The following TPTE2 variants were observed in gnomAD, a reference collection of about 807,000 sequenced individuals.
The protein encoded by TPTE2 is transmembrane phosphoinositide 3-phosphatase and tensin homolog 2, also known as phosphatidylinositol 3,4,5-trisphosphate 3-phosphatase TPTE2.
TPTE2 carries 53 observed loss-of-function variants against 78.6 expected under a neutral mutation model. The observed-to-expected ratio is 0.67, with a 90% confidence interval of 0.54 to 0.85. The LOEUF is 0.85. Among genes scored for constraint, TPTE2 ranks in the 40% least tolerant of loss-of-function variants. The probability of loss-of-function intolerance (pLI) is 0.00; values close to 1 mark genes in which losing one functional copy is unlikely to be tolerated. For missense variants in TPTE2, 461 were observed against 623.0 expected (o/e 0.74, Z 2.77); for synonymous variants, 175 against 206.2 (o/e 0.85, Z 1.30).
chr13:19,470,582 G>T (rs1879548918), intron 6 of TPTE2, among the ~76,000 whole-genome samples: 2 of 151,982 alleles, frequency 1.3e-5, no homozygotes, highest in Non-Finnish European at 2.9e-5. Flanking sequence ...CTGGAGTGCA[G>T]TGGTGTGATC....
chr13:19,442,899 T>C (rs1877585520), intron 13 of TPTE2, among the ~76,000 whole-genome samples: 1 of 152,140 alleles, frequency 6.6e-6, no homozygotes, highest in Admixed American at 6.5e-5. Flanking sequence ...AGCCATAATT[T>C]AAAGACTTCT....
chr13:19,467,796 C>A (rs898821847), intron 6 of TPTE2, among the ~76,000 whole-genome samples: 1 of 151,620 alleles, frequency 6.6e-6, no homozygotes, highest in South Asian at 2.1e-4. Flanking sequence ...TTTTTTTGTA[C>A]CCATTAGCCA....
intron 1 of TPTE2, among the ~76,000 whole-genome samples, chr13:19,496,129 G>A (rs1161372871): frequency 1.3e-5 from 2 of 152,172 alleles, no homozygotes; most frequent in South Asian, 4.1e-4. Context: ...GCCTCCCAAA[G>A]TGCTGGGACT....
At chr13:19,428,423 G>A (rs1050803061) in intron 17 of TPTE2, among the ~76,000 whole-genome samples, 1 of 152,008 alleles carries the variant, frequency 6.6e-6, no homozygotes, top group Admixed American at 6.6e-5. Context: ...ACTCCAGCCT[G>A]AGTAACAAGA....
At chr13:19,470,887 T>TTTTATTTATTTATTTA (rs57724907) in intron 6 of TPTE2, among the ~76,000 whole-genome samples, 248 of 139,628 alleles carry the variant, frequency 1.8e-3, no homozygotes, top group African/African-American at 2.6e-3. Context: ...GATCTTTTTA[T>TTTTATTTATTTATTTA]TTTATTTATT....
chr13:19,441,971 A>G (rs1877529632), intron 13 of TPTE2, among the ~76,000 whole-genome samples: 1 of 152,208 alleles, frequency 6.6e-6, no homozygotes, highest in South Asian at 2.1e-4. Context: ...ATAGAAAAGG[A>G]GTATATGACT....
rs1224705201 is a variant in TPTE2, at chr13:19,446,226, A to T, written c.973+3850T>A. 3.9e-5 allele frequency among the ~76,000 whole-genome samples: 6 copies of T among 152,370 alleles called. No homozygotes were observed. The South Asian group carries it at 1.0e-3, about 26-fold the overall frequency. Reference sequence around the variant, plus strand: ...AAAGTGTTCCATTATGGCACTTCACAAAATGATTTTAAAATTGAATGTAAT... The same window carrying T: ...AAAGTGTTCCATTATGGCACTTCACTAAATGATTTTAAAATTGAATGTAAT... On this transcript the variant is annotated intron_variant, in intron 13 of 19. Coordinates refer to ENST00000400230, the Ensembl canonical transcript of TPTE2.
At chr13:19,548,591 G>A in the TPTE2 span, among the ~76,000 whole-genome samples, 4 of 150,876 alleles carry the variant, frequency 2.7e-5, no homozygotes, top group African/African-American at 4.9e-5. Flanking sequence ...ACCTTCTTTC[G>A]CCACTGAAGC....
chr13:19,514,878 A>C (rs915470967), intron 1 of TPTE2, among the ~76,000 whole-genome samples: 1 of 152,044 alleles, frequency 6.6e-6, no homozygotes, highest in Non-Finnish European at 1.5e-5. Context: ...ATATTTTACA[A>C]TATCAAGACT....
At chr13:19,503,777 A>G (rs566782042), upstream of TPTE2, among the ~76,000 whole-genome samples, 1 of 152,312 alleles carries the variant, frequency 6.6e-6, no homozygotes, top group Admixed American at 6.5e-5. Context: ...CTGCAGGGTC[A>G]AAAACATTTC....
intron 15 of TPTE2, among the ~76,000 whole-genome samples, chr13:19,435,013 G>GA: frequency 6.6e-6 from 1 of 152,278 alleles, no homozygotes; most frequent in East Asian, 1.9e-4. Flanking sequence ...AGAACTCTTA[G>GA]AATAGTTCAG....
chr13:19,531,663 A>T (rs568423840), intron 1 of TPTE2, among the ~76,000 whole-genome samples: 1 of 151,908 alleles, frequency 6.6e-6, no homozygotes, highest in African/African-American at 2.4e-5. Context: ...GCAGTGGCTC[A>T]CACCTGTAAT....
intron 1 of TPTE2, among the ~76,000 whole-genome samples, chr13:19,502,544 A>G (rs1868667709): frequency 6.6e-6 from 1 of 150,648 alleles, no homozygotes; most frequent in Non-Finnish European, 1.5e-5. Flanking sequence ...AAACTATCGC[A>G]AGAACAAAAA....
rs767664240 is a variant in TPTE2, at chr13:19,467,356, A to T, written c.393-12T>A. 253 of 685,272 alleles carry T rather than the reference A, an allele frequency of 3.7e-4. No individual in the cohort carries two copies. Among genetic ancestry groups the T allele is most frequent in the East Asian group, 2.4e-3 (44 of 18,688 alleles). The allele number at this position is 685,272 out of a possible 1,614,324, so 42.4% of individuals were successfully genotyped here. A position where few individuals can be genotyped will look rare whatever the true frequency, so the allele number is the denominator to read the frequency against. ...AATACTGCTGTCTCCTGTAATATAA[A>T]AAAAAAAAAAAAAAAGTTCATTTCC... On this transcript the variant is annotated splice_polypyrimidine_tract_variant and intron_variant, in intron 6 of 19. Coordinates refer to ENST00000400230, the Ensembl canonical transcript of TPTE2.
chr13:19,481,272 CAG>C (rs1487026844), intron 4 of TPTE2, among the ~76,000 whole-genome samples: 4 of 152,160 alleles, frequency 2.6e-5, no homozygotes, highest in Admixed American at 1.3e-4. Context: ...TACAGAACTA[CAG>C]AGTTTTCAAA....
exon 14 of TPTE2, chr13:19,438,105 A>G (rs1877235657): frequency 1.7e-5 from 27 of 1,607,812 alleles, no homozygotes; most frequent in Non-Finnish European, 2.3e-5. Context: ...GGCAGTTAAA[A>G]ATATTTCGGA....
rs1436665807 is a variant in TPTE2 at position 19,472,827 on chromosome 13, C to T, written c.392+1087G>A. Among the ~76,000 whole-genome samples, 3 of 152,250 alleles carry T rather than the reference C, an allele frequency of 2.0e-5. No individual in the cohort carries two copies. In the East Asian group the frequency reaches 5.8e-4, roughly 29 times the overall value. On this transcript the variant is annotated intron_variant, in intron 6 of 19. Coordinates refer to ENST00000400230, the Ensembl canonical transcript of TPTE2. ...TTTATTGTAGTTTTCACTGTCAGGG[C>T]TTGTTTGTACCCATCTTTCTTGGGA...
rs55904352 is a variant in TPTE2, at chr13:19,427,079, C to CTTTTTTTTTTTTTTTTTTTT, written c.1303-582_1303-563dup. On this transcript the variant is annotated intron_variant, in intron 17 of 19. Coordinates refer to ENST00000400230, the Ensembl canonical transcript of TPTE2. ...CTTTTCTTTTTTTTTCTTTTCTTTT[C>CTTTTTTTTTTTTTTTTTTTT]TTTTTTTTTTTTTTTTTTTTTTTGA... Among the ~76,000 whole-genome samples the CTTTTTTTTTTTTTTTTTTTT allele has an allele frequency of 6.4e-4, 43 of 67,288 alleles. 3 individuals are homozygous for CTTTTTTTTTTTTTTTTTTTT. Among genetic ancestry groups the CTTTTTTTTTTTTTTTTTTTT allele is most frequent in the African/African-American group, 1.7e-3 (26 of 15,526 alleles). 44.1% of individuals were successfully genotyped at this position (67,288 alleles called of 152,430 possible).
intron 3 of TPTE2, among the ~76,000 whole-genome samples, chr13:19,483,980 A>G (rs983961912): frequency 7.5e-6 from 1 of 133,760 alleles, no homozygotes; most frequent in Non-Finnish European, 1.5e-5. Flanking sequence ...CCCGTGTCCA[A>G]GTGTTCTCAT....
Sources: allele counts gnomAD v4.1 joint callset (sites outside exome capture counted in the v4.1 genomes callset), GRCh38; gene constraint gnomAD v4.1.1; transcripts MANE v1.5; gene names NCBI Gene and HGNC (gene_info 2026-07-23, HGNC 2026-07-21).